The following DIAPH3 variants were observed in gnomAD, a reference collection of about 807,000 sequenced individuals.
DIAPH3 encodes the protein protein diaphanous homolog 3.
Under a neutral mutation model 144.3 loss-of-function variants are expected in DIAPH3, and 117 were observed. The observed-to-expected ratio is 0.81, with a 90% CI of 0.70 to 0.95. DIAPH3 has a LOEUF of 0.95. Among genes scored for constraint, DIAPH3 ranks in the 40% least tolerant of loss-of-function variants. The pLI is 0.00. For synonymous variants in DIAPH3, 519 were observed against 488.9 expected (o/e 1.06, Z -0.81); for missense variants, 1,421 against 1,412.7 (o/e 1.01, Z -0.09).
At chr13:60,068,767 T>C (rs1378151425) in intron 4 of DIAPH3, among the ~76,000 whole-genome samples, 3 of 152,328 alleles carry the variant, frequency 2.0e-5, no homozygotes, top group East Asian at 1.9e-4. Context: ...TGCATCACTT[T>C]GCTTAGGATA....
intron 27 of DIAPH3, among the ~76,000 whole-genome samples, chr13:59,773,305 A>T (rs762817888): frequency 1.3e-5 from 2 of 152,124 alleles, no homozygotes; most frequent in Admixed American, 6.5e-5. Context: ...TTTCTTATTT[A>T]CCTAATAATT....
intron 17 of DIAPH3, among the ~76,000 whole-genome samples, chr13:59,942,975 C>T (rs2048609433): frequency 6.6e-6 from 1 of 152,062 alleles, no homozygotes; most frequent in Non-Finnish European, 1.5e-5. Context: ...GTTTATAAAT[C>T]TTTGCTATCA....
rs1005093849 is a variant in DIAPH3 at position 60,021,937 on chromosome 13, T to A, written c.627-5792A>T. On this transcript the variant is annotated intron_variant, in intron 5 of 27. Coordinates refer to ENST00000400324, the MANE Select transcript of DIAPH3 (RefSeq NM_001042517.2). Reference sequence around the variant, plus strand: ...TCCATTTATTTGGATCTTCTTTAACTCCTTTCATCGTTATTTTGTAGTTTT... The same window carrying A: ...TCCATTTATTTGGATCTTCTTTAACACCTTTCATCGTTATTTTGTAGTTTT... 5.3e-5 allele frequency among the ~76,000 whole-genome samples: 8 copies of A among 152,204 alleles called. No homozygotes were observed. The East Asian group carries it at 1.5e-3, about 29-fold the overall frequency.
Position 59,980,787 on chromosome 13 carries a change from C to T in DIAPH3, c.1545+8G>A. ...CAGAATACTATAAAGTTAGTGAAAA[C>T]TACTTACTTTCTTGTAAAGTTCTGA... is the stretch of plus-strand genomic sequence containing the variant. On this transcript the variant is annotated splice_region_variant and intron_variant, in intron 14 of 27. Coordinates refer to ENST00000400324, the MANE Select transcript of DIAPH3 (RefSeq NM_001042517.2). 6.2e-7 allele frequency: 1 copy of T among 1,605,718 alleles called. No individual in the cohort carries two copies. Among genetic ancestry groups the T allele is most frequent in the Non-Finnish European group, 8.5e-7 (1 of 1,173,690 alleles).
chr13:59,933,928 C>G (rs903370122), intron 17 of DIAPH3, among the ~76,000 whole-genome samples: 2 of 152,098 alleles, frequency 1.3e-5, no homozygotes, highest in African/African-American at 2.4e-5. Flanking sequence ...ATTTAAAAAT[C>G]ATAATTCCAT....
At position 60,163,885 on chromosome 13, in the gene DIAPH3, A is replaced by C; in HGVS notation, c.-119T>G. On this transcript the variant is annotated 5_prime_UTR_variant, in exon 1 of 28. Coordinates refer to ENST00000400324, the MANE Select transcript of DIAPH3 (RefSeq NM_001042517.2). Reference sequence around the variant, plus strand: ...GGTCCGCCACCCAAACAGTCAGCACAGCCTAGCCCAACCGCTGAAGTCGGG... The same window carrying C: ...GGTCCGCCACCCAAACAGTCAGCACCGCCTAGCCCAACCGCTGAAGTCGGG... 18 of 1,291,976 alleles carry C rather than the reference A, an allele frequency of 1.4e-5. No homozygotes were observed. Among genetic ancestry groups the C allele is most frequent in the Admixed American group, 2.5e-5 (1 of 40,090 alleles). 80.0% of individuals were successfully genotyped at this position (1,291,976 alleles called of 1,614,324 possible). A position where few individuals can be genotyped will look rare whatever the true frequency, so the allele number is the denominator to read the frequency against.
intron 21 of DIAPH3, among the ~76,000 whole-genome samples, chr13:59,872,361 C>T (rs1249627970): frequency 6.6e-6 from 1 of 152,018 alleles, no homozygotes; most frequent in African/African-American, 2.4e-5. Flanking sequence ...AACTTCTGAA[C>T]TTTACATTAA....
intron 1 of DIAPH3, among the ~76,000 whole-genome samples, chr13:60,140,098 A>T (rs2059393416): frequency 6.6e-6 from 1 of 152,178 alleles, no homozygotes; most frequent in African/African-American, 2.4e-5. Context: ...GCAACTACTA[A>T]ATTACTTCTG....
At chr13:59,901,820 C>T (rs2046450247) in intron 20 of DIAPH3, among the ~76,000 whole-genome samples, 1 of 152,162 alleles carries the variant, frequency 6.6e-6, no homozygotes, top group African/African-American at 2.4e-5. Flanking sequence ...CCTGAAACAT[C>T]CAAAGACTGA....
Position 59,716,407 on chromosome 13 carries a change from T to C in DIAPH3, c.3320-49561A>G, listed in dbSNP as rs773317387. Among the ~76,000 whole-genome samples, 170 of 152,250 alleles carry C rather than the reference T, an allele frequency of 1.1e-3. 1 individual carries two copies. The highest frequency in any genetic ancestry group is 1.8e-3 in the Non-Finnish European group (122 of 68,008). On this transcript the variant is annotated intron_variant, in intron 27 of 27. Coordinates refer to ENST00000400324, the MANE Select transcript of DIAPH3 (RefSeq NM_001042517.2). ...AGCCAGGATGGTCTCGATCTCCTGA[T>C]CTTGTGATCTGCCCGCCTTTGCCTC...
intron 27 of DIAPH3, among the ~76,000 whole-genome samples, chr13:59,720,920 T>C (rs1324302992): frequency 6.6e-6 from 1 of 152,116 alleles, no homozygotes; most frequent in Non-Finnish European, 1.5e-5. Flanking sequence ...TAAAAGTATA[T>C]ATGTAGGGTG....
intron 2 of DIAPH3, among the ~76,000 whole-genome samples, chr13:60,114,434 A>G (rs1467488888): frequency 1.3e-5 from 2 of 152,172 alleles, no homozygotes; most frequent in African/African-American, 4.8e-5. Context: ...AAATAATGAG[A>G]TAGAAAAAAA....
chr13:60,009,922 A>G (rs749494977), intron 8 of DIAPH3, among the ~76,000 whole-genome samples: 8 of 152,168 alleles, frequency 5.3e-5, no homozygotes, highest in Non-Finnish European at 1.2e-4. Flanking sequence ...ATGCTTCCTG[A>G]TAATTAGAAC....
chr13:59,882,111 C>T (rs2045095129), intron 20 of DIAPH3, among the ~76,000 whole-genome samples: 1 of 151,960 alleles, frequency 6.6e-6, no homozygotes, highest in African/African-American at 2.4e-5. Context: ...TTTTTTGAGG[C>T]AGAGTCTCAC....
intron 3 of DIAPH3, among the ~76,000 whole-genome samples, chr13:60,095,614 G>GTTT (rs78368630): frequency 7.0e-6 from 1 of 143,606 alleles, no homozygotes; most frequent in Non-Finnish European, 1.5e-5. Flanking sequence ...TGTTTTTTGT[G>GTTT]TTTTTTTTTT....
Position 59,799,874 on chromosome 13 carries a change from C to A in DIAPH3, c.3163+10914G>T, listed in dbSNP as rs1054175437. On this transcript the variant is annotated intron_variant, in intron 25 of 27. Transcript: ENST00000400324. ...TTTATGAAAAGCAAATTTTTCATAG[C>A]AAAATCAAAATATTAACTGAAGTAT... Among the ~76,000 whole-genome samples the A allele has an allele frequency of 2.0e-5, 3 of 152,024 alleles. No homozygotes were observed. In the South Asian group the frequency reaches 6.2e-4, roughly 32 times the overall value.
chr13:59,703,500 C>T (rs2034232176), intron 27 of DIAPH3, among the ~76,000 whole-genome samples: 1 of 152,126 alleles, frequency 6.6e-6, no homozygotes, highest in Non-Finnish European at 1.5e-5. Context: ...TTCCTGTTCA[C>T]CTCTCCTGTT....
At chr13:59,733,061 A>G (rs2035966106) in intron 27 of DIAPH3, among the ~76,000 whole-genome samples, 1 of 152,090 alleles carries the variant, frequency 6.6e-6, no homozygotes, top group Non-Finnish European at 1.5e-5. Flanking sequence ...TGCAGTTAAA[A>G]AAGTTCGAAA....
chr13:60,081,498 C>G (rs1311046717), intron 4 of DIAPH3, among the ~76,000 whole-genome samples: 1 of 151,888 alleles, frequency 6.6e-6, no homozygotes, highest in Non-Finnish European at 1.5e-5. Context: ...ATATGAGATT[C>G]AAAATCAGAG....
Sources: allele counts gnomAD v4.1 joint callset (sites outside exome capture counted in the v4.1 genomes callset), GRCh38; gene constraint gnomAD v4.1.1; transcripts MANE v1.5; gene names NCBI Gene and HGNC (gene_info 2026-07-23, HGNC 2026-07-21).